Variants in ADGRL3 observed in about 807,000 individuals in gnomAD.
The protein encoded by ADGRL3 is calcium-independent alpha-latrotoxin receptor 3.
In ADGRL3, 62 loss-of-function variants were observed where a neutral mutation model predicts 153.5. The observed-to-expected ratio is 0.40, with a 90% CI of 0.33 to 0.50. The LOEUF (loss-of-function observed/expected upper bound fraction) is 0.50. Among genes scored for constraint, ADGRL3 ranks in the 20% least tolerant of loss-of-function variants. The pLI, the probability that ADGRL3 is intolerant of heterozygous loss-of-function variation, is 0.47. For missense variants in ADGRL3, 1,641 were observed against 1,859.4 expected, an observed-to-expected ratio of 0.88 and a Z score of 2.16; for synonymous variants, 710 against 672.5, an observed-to-expected ratio of 1.06 and a Z score of -0.86.
intron 9 of ADGRL3, among the ~76,000 whole-genome samples, chr4:61,859,091 A>T (rs942800404): frequency 5.9e-5 from 9 of 152,224 alleles, no homozygotes; most frequent in African/African-American, 1.9e-4. Context: ...TGTATATACT[A>T]TCCTGTGAAC....
chr4:61,558,956 G>C (rs918881380), intron 4 of ADGRL3, among the ~76,000 whole-genome samples: 1 of 151,884 alleles, frequency 6.6e-6, no homozygotes, highest in Non-Finnish European at 1.5e-5. Context: ...GGTAAATAGG[G>C]GATCATAATA....
rs1359350571 is a variant in ADGRL3 at position 61,201,476 on chromosome 4, AG to A, written c.-527del. On this transcript the variant is annotated 5_prime_UTR_variant, in exon 1 of 27. Coordinates refer to ENST00000683033, the MANE Select transcript of ADGRL3 (RefSeq NM_001387552.1). Reference sequence around the variant, plus strand: ...GGGGTGTGTGAAGCGAGGAACGTAAAGGAAGGCGAACATTTGGCTCTCTTTT... The same window carrying A: ...GGGGTGTGTGAAGCGAGGAACGTAAAGAAGGCGAACATTTGGCTCTCTTTT... 6.6e-6 allele frequency: 1 copy of A among 152,248 alleles called. No individual in the cohort carries two copies. The highest frequency in any genetic ancestry group is 1.5e-5 in the Non-Finnish European group (1 of 68,082). The allele number at this position is 152,248 out of a possible 1,614,324, so 9.4% of individuals were successfully genotyped here.
chr4:61,703,342 C>T (rs1580360323), intron 6 of ADGRL3, among the ~76,000 whole-genome samples: 1 of 151,948 alleles, frequency 6.6e-6, no homozygotes, highest in Admixed American at 6.6e-5. Context: ...AAACATGATC[C>T]ATTTACAATC....
chr4:61,974,523 A>T lies in ADGRL3; in HGVS notation c.2806-5040A>T, dbSNP rs534028445. ...AAAAATTCAGAATACATTCAGATTT[A>T]AAAAAGTAAAGAAATATTCACTTTC... On this transcript the variant is annotated intron_variant, in intron 17 of 26. Transcript: ENST00000683033. 4.5e-4 allele frequency among the ~76,000 whole-genome samples: 68 copies of T among 152,280 alleles called. No homozygotes were observed. The South Asian group carries it at 6.8e-3, about 15-fold the overall frequency.
intron 9 of ADGRL3, among the ~76,000 whole-genome samples, chr4:61,871,502 A>G (rs1318855694): frequency 6.6e-6 from 1 of 152,156 alleles, no homozygotes; most frequent in African/African-American, 2.4e-5. Context: ...CTGCTAAGTG[A>G]CATAAGCCGG....
intron 9 of ADGRL3, among the ~76,000 whole-genome samples, chr4:61,879,446 T>TAGTC (rs1408962640): frequency 6.6e-6 from 1 of 152,210 alleles, no homozygotes; most frequent in Non-Finnish European, 1.5e-5. Flanking sequence ...TTATGTTTTA[T>TAGTC]AGTCACCTTA....
chr4:61,274,231 C>T (rs2093350834), intron 1 of ADGRL3, among the ~76,000 whole-genome samples: 1 of 152,102 alleles, frequency 6.6e-6, no homozygotes, highest in South Asian at 2.1e-4. Context: ...TACCTTTCGT[C>T]ATGAAGAATC....
At chr4:61,255,272 A>G (rs1368194434) in intron 1 of ADGRL3, among the ~76,000 whole-genome samples, 2 of 152,204 alleles carry the variant, frequency 1.3e-5, no homozygotes, top group African/African-American at 4.8e-5. Context: ...CAGAAGTTAT[A>G]GTATATTCAG....
chr4:61,442,914 C>T (rs1441634357), intron 2 of ADGRL3, among the ~76,000 whole-genome samples: 1 of 152,026 alleles, frequency 6.6e-6, no homozygotes, highest in Non-Finnish European at 1.5e-5. Flanking sequence ...GAATGTAAAA[C>T]ATTCTGGTTC....
At chr4:61,467,392 T>G (rs1440151515) in intron 2 of ADGRL3, among the ~76,000 whole-genome samples, 2 of 152,038 alleles carry the variant, frequency 1.3e-5, no homozygotes, top group African/African-American at 4.8e-5. Flanking sequence ...ATGCTTAATA[T>G]AGGGTCTGAT....
In ADGRL3 at chr4:61,983,493, G is replaced by A. The variant is rs1188628119; in HGVS notation, c.3126G>A (p.Glu1042=). 1.9e-6 allele frequency: 3 copies of A among 1,613,944 alleles called. No homozygotes were observed. The highest frequency in any genetic ancestry group is 3.3e-5 in the Admixed American group (2 of 60,006). ...ATATCATGCTGGTGGAGGTTTTTGA[G>A]AGTGAACATTCACGTAGGAAATACT... ...QLYIMLVEVF[E]SEHSRRKYFY... The change falls in exon 19 of 27, where the codon GAG becomes GAA. Residue 1042 remains glutamate (E), a synonymous_variant. Coordinates refer to ENST00000683033, the MANE Select transcript of ADGRL3 (RefSeq NM_001387552.1).
intron 11 of ADGRL3, among the ~76,000 whole-genome samples, chr4:61,907,322 G>A (rs180942867): frequency 3.2e-4 from 49 of 152,000 alleles, no homozygotes; most frequent in East Asian, 2.1e-3. Context: ...GCAGTGGTGC[G>A]ATCTCAGCTC....
chr4:61,413,581 C>G (rs1415963198), intron 2 of ADGRL3, among the ~76,000 whole-genome samples: 1 of 152,020 alleles, frequency 6.6e-6, no homozygotes, highest in Non-Finnish European at 1.5e-5. Context: ...TGTTGTTTGC[C>G]TGGAGTAGTG....
chr4:61,359,155 C>T (rs1025386576), intron 1 of ADGRL3, among the ~76,000 whole-genome samples: 11 of 152,112 alleles, frequency 7.2e-5, no homozygotes, highest in South Asian at 4.1e-4. Flanking sequence ...TGAGATATTA[C>T]CTCTCACTGC....
intron 21 of ADGRL3, among the ~76,000 whole-genome samples, chr4:62,019,125 C>T (rs2151354778): frequency 6.6e-6 from 1 of 152,144 alleles, no homozygotes; most frequent in South Asian, 2.1e-4. Context: ...GTTTTGTAAG[C>T]CCAAGCCATT....
intron 13 of ADGRL3, among the ~76,000 whole-genome samples, chr4:61,913,052 T>A: frequency 6.6e-6 from 1 of 152,090 alleles, no homozygotes; most frequent in East Asian, 1.9e-4. Flanking sequence ...TAGAGGTGGG[T>A]TTGAAAACAT....
chr4:61,377,138 A>G (rs1560542456), intron 1 of ADGRL3, among the ~76,000 whole-genome samples: 1 of 151,878 alleles, frequency 6.6e-6, no homozygotes, highest in Non-Finnish European at 1.5e-5. Context: ...CTTCCCTATC[A>G]TATCCTATGG....
intron 2 of ADGRL3, among the ~76,000 whole-genome samples, chr4:61,410,323 A>T (rs2097069756): frequency 6.6e-6 from 1 of 152,106 alleles, no homozygotes; most frequent in African/African-American, 2.4e-5. Flanking sequence ...AAATATAAAC[A>T]TTGTACCTTT....
intron 2 of ADGRL3, among the ~76,000 whole-genome samples, chr4:61,447,979 C>T (rs1373545361): frequency 1.3e-5 from 2 of 152,160 alleles, no homozygotes; most frequent in South Asian, 2.1e-4. Context: ...TTAATACTGG[C>T]AGTGCTGCCT....
Sources: gnomAD v4.1 joint callset for allele counts (sites outside exome capture counted in the v4.1 genomes callset) on GRCh38, gnomAD v4.1.1 for gene constraint, MANE v1.5 for transcripts, NCBI Gene and HGNC (gene_info 2026-07-23, HGNC 2026-07-21) for gene names.